Variants in PPP1R14C observed in about 807,000 individuals in gnomAD.
The protein encoded by PPP1R14C is protein phosphatase 1 regulatory inhibitor subunit 14C.
A neutral mutation model predicts 20.4 loss-of-function variants in PPP1R14C; 16 were observed. The observed-to-expected ratio is 0.78, with a 90% CI of 0.53 to 1.19. The LOEUF (loss-of-function observed/expected upper bound fraction) is 1.19, where lower values mean the gene tolerates loss of function less well. Among genes scored for constraint, PPP1R14C ranks in the 50% most tolerant of loss-of-function variants. The probability of loss-of-function intolerance (pLI) is 0.00; values close to 1 mark genes in which losing one functional copy is unlikely to be tolerated. For missense variants in PPP1R14C, 211 were observed against 220.1 expected (o/e 0.96, Z 0.26); for synonymous variants, 91 against 91.0 (o/e 1.00, Z 0.00).
rs61153538 is a variant in PPP1R14C, at chr6:150,187,247, C to CTGTGTGTGTGTG, written c.307-27463_307-27452dup. Reference sequence around the variant, plus strand: ...TGCCCACCTTGGCCTTTCTCTTTCTCTGTGTGTGTGTGTGTGTGTGTGTGT... The same window carrying CTGTGTGTGTGTG: ...TGCCCACCTTGGCCTTTCTCTTTCTCTGTGTGTGTGTGTGTGTGTGTGTGTGTGTGTGTGTGT... On this transcript the variant is annotated intron_variant, in intron 1 of 3. Coordinates refer to ENST00000361131, the MANE Select transcript of PPP1R14C (RefSeq NM_030949.3). 2.3e-3 allele frequency among the ~76,000 whole-genome samples: 323 copies of CTGTGTGTGTGTG among 141,584 alleles called. 1 individual carries two copies. Among genetic ancestry groups the CTGTGTGTGTGTG allele is most frequent in the East Asian group, 0.016 (78 of 4,746 alleles). 92.9% of individuals were successfully genotyped at this position (141,584 alleles called of 152,430 possible).
intron 1 of PPP1R14C, among the ~76,000 whole-genome samples, chr6:150,166,432 G>A (rs1286543863): frequency 1.3e-5 from 2 of 152,134 alleles, no homozygotes; most frequent in African/African-American, 2.4e-5. Flanking sequence ...AGCCCTAGAG[G>A]CTTCTCCCAT....
At chr6:150,243,967 A>G (rs550098532) in intron 3 of PPP1R14C, among the ~76,000 whole-genome samples, 9 of 152,324 alleles carry the variant, frequency 5.9e-5, no homozygotes, top group African/African-American at 2.2e-4. Flanking sequence ...GAGAAGGAAA[A>G]CTAATCTGGA....
intron 1 of PPP1R14C, among the ~76,000 whole-genome samples, chr6:150,179,964 G>A (rs1272860562): frequency 6.6e-6 from 1 of 152,212 alleles, no homozygotes; most frequent in Non-Finnish European, 1.5e-5. Context: ...CTGTTTGGGA[G>A]GCCGAGGGGG....
chr6:150,159,683 C>T lies in PPP1R14C; in HGVS notation c.306+16185C>T, dbSNP rs150504402. 2.3e-3 allele frequency among the ~76,000 whole-genome samples: 344 copies of T among 151,586 alleles called. 3 individuals are homozygous for T. Among genetic ancestry groups the T allele is most frequent in the East Asian group, 1.4e-3 (7 of 5,162 alleles). On this transcript the variant is annotated intron_variant, in intron 1 of 3. Coordinates refer to ENST00000361131, the MANE Select transcript of PPP1R14C (RefSeq NM_030949.3). The stretch of plus-strand genomic sequence containing the variant: ...TGGTTTTAGATTTACAGAAAAATTG[C>T]GAAGACAGAACACTATTGCCATATA...
At chr6:150,237,873 C>A (rs1384835137) in intron 3 of PPP1R14C, among the ~76,000 whole-genome samples, 1 of 142,080 alleles carries the variant, frequency 7.0e-6, no homozygotes, top group Non-Finnish European at 1.5e-5. Context: ...TCCTTTCTGG[C>A]AGGAACAAGC....
chr6:150,181,270 G>A (rs1777619083), intron 1 of PPP1R14C, among the ~76,000 whole-genome samples: 1 of 152,040 alleles, frequency 6.6e-6, no homozygotes, highest in African/African-American at 2.4e-5. Context: ...TCCACCTCTC[G>A]GGTTTAAGAC....
intron 1 of PPP1R14C, among the ~76,000 whole-genome samples, chr6:150,210,985 T>C (rs758423203): frequency 6.6e-5 from 10 of 152,360 alleles, no homozygotes; most frequent in South Asian, 2.1e-4. Context: ...CTTGTCTCTT[T>C]GCCTCCTGCT....
chr6:150,247,834 A>G (rs950043325), intron 3 of PPP1R14C, among the ~76,000 whole-genome samples: 5 of 152,222 alleles, frequency 3.3e-5, no homozygotes, highest in Admixed American at 1.3e-4. Flanking sequence ...CTACTGAATC[A>G]CAAACACTAG....
At chr6:150,147,803 TTA>T (rs1193550429) in intron 1 of PPP1R14C, among the ~76,000 whole-genome samples, 2 of 152,198 alleles carry the variant, frequency 1.3e-5, no homozygotes, top group Non-Finnish European at 2.9e-5. Context: ...TCCTGACTTA[TTA>T]TACCTTTCAG....
intron 1 of PPP1R14C, among the ~76,000 whole-genome samples, chr6:150,145,163 T>C (rs931615478): frequency 1.3e-5 from 2 of 152,218 alleles, no homozygotes; most frequent in Admixed American, 6.5e-5. Context: ...AAACAATATA[T>C]TTAAAAAATA....
intron 1 of PPP1R14C, among the ~76,000 whole-genome samples, chr6:150,177,987 A>T (rs1050542501): frequency 6.6e-6 from 1 of 152,150 alleles, no homozygotes; most frequent in African/African-American, 2.4e-5. Flanking sequence ...TCACTGGTTA[A>T]TGTTTTACCT....
intron 3 of PPP1R14C, among the ~76,000 whole-genome samples, chr6:150,217,690 A>C (rs1778112747): frequency 6.6e-6 from 1 of 152,242 alleles, no homozygotes; most frequent in Admixed American, 6.5e-5. Context: ...CATAGTAGAA[A>C]TTAAGGTTTT....
intron 3 of PPP1R14C, among the ~76,000 whole-genome samples, chr6:150,218,893 C>T (rs1225390449): frequency 5.3e-5 from 8 of 152,180 alleles, no homozygotes; most frequent in Non-Finnish European, 1.2e-4. Context: ...CTCAAGCTAT[C>T]CTCCTGCTTC....
At chr6:150,195,230 A>G (rs1394006369) in intron 1 of PPP1R14C, 3 of 901,300 alleles carry the variant, frequency 3.3e-6, no homozygotes, top group African/African-American at 3.7e-5. Flanking sequence ...AACAAATTGC[A>G]GTATATGTGT....
chr6:150,185,633 T>C lies in PPP1R14C; in HGVS notation c.307-29111T>C, dbSNP rs1777668405. Among the ~76,000 whole-genome samples the C allele has an allele frequency of 3.3e-5, 5 of 152,206 alleles. No homozygotes were observed. On this transcript the variant is annotated intron_variant, in intron 1 of 3. Coordinates refer to ENST00000361131, the MANE Select transcript of PPP1R14C (RefSeq NM_030949.3). This position sits in a 1 kb window ranked among gnomAD's most constrained non-coding sequence, Gnocchi z 4.1. Reference sequence around the variant, plus strand: ...AGCTCTGCGGCCTCCCTGTCTGTATTAGGAAGCTGATGATCATTTATTATT... The same window carrying C: ...AGCTCTGCGGCCTCCCTGTCTGTATCAGGAAGCTGATGATCATTTATTATT...
chr6:150,181,191 T>A (rs964864843), intron 1 of PPP1R14C, among the ~76,000 whole-genome samples: 3 of 152,132 alleles, frequency 2.0e-5, no homozygotes, highest in Non-Finnish European at 2.9e-5. Flanking sequence ...TGGTAAGGAT[T>A]AGCTGGCCTG....
chr6:150,217,100 A>G (rs1778103418), intron 3 of PPP1R14C, among the ~76,000 whole-genome samples: 1 of 152,230 alleles, frequency 6.6e-6, no homozygotes, highest in South Asian at 2.1e-4. Context: ...ATAAAAGCCA[A>G]ACTTCAAAGG....
At chr6:150,232,918 C>T (rs549845878) in intron 3 of PPP1R14C, among the ~76,000 whole-genome samples, 3 of 152,274 alleles carry the variant, frequency 2.0e-5, no homozygotes, top group South Asian at 4.1e-4. Context: ...GAAGAGATCT[C>T]GATGATGATT....
intron 1 of PPP1R14C, among the ~76,000 whole-genome samples, chr6:150,184,410 G>A (rs772503597): frequency 7.2e-5 from 11 of 152,150 alleles, no homozygotes; most frequent in Admixed American, 5.2e-4. Context: ...GGAGCAATAG[G>A]CCATACCCTA....
Sources: allele counts gnomAD v4.1 joint callset (sites outside exome capture counted in the v4.1 genomes callset), GRCh38; gene constraint gnomAD v4.1.1; non-coding constraint Gnocchi (gnomAD v3.1); transcripts MANE v1.5; gene names NCBI Gene and HGNC (gene_info 2026-07-23, HGNC 2026-07-21).